The following EFR3B variants were observed in gnomAD, a reference collection of about 807,000 sequenced individuals.
EFR3B encodes the protein protein EFR3 homolog B.
Under a neutral mutation model 104.7 loss-of-function variants are expected in EFR3B, and 64 were observed. That is an observed-to-expected ratio of 0.61 (90% CI 0.50 to 0.75). The LOEUF (loss-of-function observed/expected upper bound fraction) is 0.75, where lower values mean the gene tolerates loss of function less well. Among genes scored for constraint, EFR3B ranks in the 30% least tolerant of loss-of-function variants. EFR3B has a pLI of 0.00. For synonymous variants in EFR3B, 385 were observed against 417.9 expected, an observed-to-expected ratio of 0.92 and a Z score of 0.96; for missense variants, 750 against 1,078.5, an observed-to-expected ratio of 0.70 and a Z score of 4.27.
rs1469383148 is a variant in EFR3B at position 25,154,015 on chromosome 2, A to G, written c.2349-220A>G. On this transcript the variant is annotated intron_variant, in intron 22 of 22. Transcript: ENST00000403714. The surrounding 1 kb of genome is among the most constrained non-coding windows in gnomAD (Gnocchi z 4.1). Reference sequence around the variant, plus strand: ...AAGAGTCCTAGTGTTCCGGGCTGGCACTTTCTAAAGCAGCAGTGTCACTGC... The same window carrying G: ...AAGAGTCCTAGTGTTCCGGGCTGGCGCTTTCTAAAGCAGCAGTGTCACTGC... 6.6e-6 allele frequency among the ~76,000 whole-genome samples: 1 copy of G among 152,178 alleles called. No homozygotes were observed. The highest frequency in any genetic ancestry group is 1.5e-5 in the Non-Finnish European group (1 of 68,018).
chr2:25,153,728 G>A lies in EFR3B; in HGVS notation c.2315G>A (p.Ser772Asn). 6.4e-7 allele frequency: 1 copy of A among 1,551,682 alleles called. No individual in the cohort carries two copies. The highest frequency in any genetic ancestry group is 8.7e-7 in the Non-Finnish European group (1 of 1,146,998). Residue 772 changes from serine (S) to asparagine (N), a missense_variant, in exon 22 of 23, where the codon AGC becomes AAC. Ser to Asn is a conservative substitution (Grantham distance 46, BLOSUM62 1). Transcript: ENST00000403714. ...HCGARASLLQ[S>N]KLNQIFEITI... ...TGTGTCTAGGCATCGCTGCTCCAGA[G>A]CAAACTCAATCAGATCTTTGAAATC...
In EFR3B at chr2:25,130,062, C is replaced by G; in HGVS notation, c.723C>G (p.Gly241=). The G allele has an allele frequency of 6.4e-7, 1 of 1,551,754 alleles. No individual in the cohort carries two copies. The highest frequency in any genetic ancestry group is 8.7e-7 in the Non-Finnish European group (1 of 1,147,006). Residue 241 remains glycine, a synonymous_variant, in exon 7 of 23, where the codon GGC becomes GGG. Coordinates refer to ENST00000403714, the MANE Select transcript of EFR3B (RefSeq NM_014971.2). The surrounding 1 kb of genome is among the most constrained non-coding windows in gnomAD (Gnocchi z 4.6). ...LAERCLRELL[G]RAAFGNIKNA... is the part of the protein sequence containing the mutation. ...AGAGGTGTCTTCGGGAGCTGCTGGG[C>G]CGGGCTGCCTTTGGCAACATCAAAA...
intron 1 of EFR3B, among the ~76,000 whole-genome samples, chr2:25,063,134 T>A (rs1348983548): frequency 2.0e-5 from 3 of 150,082 alleles, no homozygotes; most frequent in African/African-American, 7.4e-5. Flanking sequence ...GAGACGGGGT[T>A]TCACCATGTT....
chr2:25,155,107 T>C lies in EFR3B; in HGVS notation c.*767T>C, dbSNP rs962652374. ...CTGTCTGCTGGACGTTTTTCAGAGTTGGGTTCTCTCTCTTTGATGTCTTTC... is the reference window on the plus strand; with the variant it reads ...CTGTCTGCTGGACGTTTTTCAGAGTCGGGTTCTCTCTCTTTGATGTCTTTC... On this transcript the variant is annotated 3_prime_UTR_variant, in exon 23 of 23. Coordinates refer to ENST00000403714, the MANE Select transcript of EFR3B (RefSeq NM_014971.2). 1 of 152,330 alleles carries C rather than the reference T, an allele frequency of 6.6e-6. No individual in the cohort carries two copies. The highest frequency in any genetic ancestry group is 1.5e-5 in the Non-Finnish European group (1 of 68,162). 9.4% of individuals were successfully genotyped at this position (152,330 alleles called of 1,614,324 possible).
At position 25,134,600 on chromosome 2, in the gene EFR3B, T is replaced by C. The variant is rs894387789; in HGVS notation, c.1312-867T>C. 5.3e-5 allele frequency among the ~76,000 whole-genome samples: 8 copies of C among 152,134 alleles called. No individual in the cohort carries two copies. The South Asian group carries it at 1.5e-3, about 28-fold the overall frequency. On this transcript the variant is annotated intron_variant, in intron 12 of 22. Coordinates refer to ENST00000403714, the MANE Select transcript of EFR3B (RefSeq NM_014971.2). The stretch of plus-strand genomic sequence containing the variant: ...TCTGTCTCAGTTCTGGCCATGCCAA[T>C]CTAAACAGAACTCCCCCGACCCCGC...
intron 4 of EFR3B, among the ~76,000 whole-genome samples, chr2:25,107,866 T>C (rs1669608905): frequency 6.6e-6 from 1 of 151,902 alleles, no homozygotes; most frequent in Admixed American, 6.6e-5. Flanking sequence ...ATTTTTGAGA[T>C]GGGGTCTCCC....
intron 12 of EFR3B, among the ~76,000 whole-genome samples, chr2:25,134,178 T>A (rs13429551): frequency 0.11 from 505 of 4,464 alleles, 5 homozygotes; most frequent in African/African-American, 0.19. Flanking sequence ...TCAGTTTATA[T>A]TTTTTTTTTT....
At chr2:25,146,081 T>C (rs1196905018) in intron 19 of EFR3B, 3 of 118,598 alleles carry the variant, frequency 2.5e-5, no homozygotes, top group African/African-American at 9.9e-5. Context: ...ACAGCCAAGA[T>C]GTTTTTTTTT....
chr2:25,149,133 G>T (rs1450919375), intron 19 of EFR3B, among the ~76,000 whole-genome samples: 6 of 151,926 alleles, frequency 3.9e-5, no homozygotes, highest in Non-Finnish European at 8.8e-5. Flanking sequence ...GGCAGATCAT[G>T]AGTTCAGGAG....
At position 25,093,146 on chromosome 2, in the gene EFR3B, G is replaced by A. The variant is rs766165766; in HGVS notation, c.212+16G>A. 6.4e-7 allele frequency: 1 copy of A among 1,550,882 alleles called. No individual in the cohort carries two copies. Among genetic ancestry groups the A allele is most frequent in the Admixed American group, 2.0e-5 (1 of 50,862 alleles). ...ATCGATATGGGTAAGTAGTTTGGAA[G>A]AGAGGGAGAGAGATTGTCAGGAACT... On this transcript the variant is annotated intron_variant, in intron 3 of 22. Coordinates refer to ENST00000403714, the MANE Select transcript of EFR3B (RefSeq NM_014971.2).
intron 19 of EFR3B, chr2:25,147,038 C>T (rs1670836884): frequency 6.6e-6 from 1 of 152,548 alleles, no homozygotes; most frequent in African/African-American, 2.4e-5. Context: ...ATCTCCAGGC[C>T]TTTGCTAGTG....
At chr2:25,063,788 C>G (rs773850917) in intron 1 of EFR3B, among the ~76,000 whole-genome samples, 10 of 152,208 alleles carry the variant, frequency 6.6e-5, no homozygotes, top group Non-Finnish European at 1.5e-4. Flanking sequence ...CAGGGTCACC[C>G]TCTCCAGGGG....
Position 25,158,798 on chromosome 2 carries a change from T to TG in EFR3B, c.*4459dup, listed in dbSNP as rs1671242841. On this transcript the variant is annotated 3_prime_UTR_variant, in exon 23 of 23. Transcript: ENST00000403714. ...GGAGGCAGAGTTGTGAATCCACAAATGCTGTAGCCCATATCTCGTAATGTG... is the reference window on the plus strand; with the variant it reads ...GGAGGCAGAGTTGTGAATCCACAAATGGCTGTAGCCCATATCTCGTAATGTG... 6.6e-6 allele frequency: 1 copy of TG among 152,264 alleles called. No individual in the cohort carries two copies. The highest frequency in any genetic ancestry group is 2.4e-5 in the African/African-American group (1 of 41,452). 9.4% of individuals were successfully genotyped at this position (152,264 alleles called of 1,614,324 possible).
In EFR3B at chr2:25,059,572, CGGGGGG is replaced by C. The variant is rs56219617; in HGVS notation, c.7+17262_7+17267del. 4.5e-4 allele frequency among the ~76,000 whole-genome samples: 27 copies of C among 60,256 alleles called. 1 individual carries two copies. Among genetic ancestry groups the C allele is most frequent in the South Asian group, 9.1e-4 (2 of 2,190 alleles). 39.5% of individuals were successfully genotyped at this position (60,256 alleles called of 152,430 possible). Reference sequence around the variant, plus strand: ...GTAGAATAGAGGTTACCAGGGACTGCGGGGGGGGGGGGGGTGGAGATTGGGGAATTG... The same window carrying C: ...GTAGAATAGAGGTTACCAGGGACTGCGGGGGGGGTGGAGATTGGGGAATTG... On this transcript the variant is annotated intron_variant, in intron 1 of 22. Coordinates refer to ENST00000403714, the MANE Select transcript of EFR3B (RefSeq NM_014971.2).
intron 19 of EFR3B, among the ~76,000 whole-genome samples, chr2:25,149,217 G>A (rs1670935218): frequency 6.6e-6 from 1 of 151,878 alleles, no homozygotes; most frequent in Non-Finnish European, 1.5e-5. Context: ...GCATGGTGGT[G>A]CACGCCTATA....
chr2:25,099,768 T>A (rs1422900583), intron 3 of EFR3B, among the ~76,000 whole-genome samples: 1 of 151,654 alleles, frequency 6.6e-6, no homozygotes, highest in Non-Finnish European at 1.5e-5. Context: ...TGGGTAGCTG[T>A]CCCAGGAGGT....
At chr2:25,061,914 G>A (rs1002157082) in intron 1 of EFR3B, among the ~76,000 whole-genome samples, 2 of 152,070 alleles carry the variant, frequency 1.3e-5, no homozygotes, top group African/African-American at 2.4e-5. Flanking sequence ...ATTTCTAGGT[G>A]GAAGGATCAT....
intron 1 of EFR3B, among the ~76,000 whole-genome samples, chr2:25,077,129 C>T (rs969301934): frequency 6.6e-6 from 1 of 152,230 alleles, no homozygotes; most frequent in African/African-American, 2.4e-5. Flanking sequence ...ACCAATAAAA[C>T]AAAACCAGGC....
At chr2:25,076,856 A>G (rs758041516) in intron 1 of EFR3B, among the ~76,000 whole-genome samples, 1 of 152,218 alleles carries the variant, frequency 6.6e-6, no homozygotes, top group African/African-American at 2.4e-5. Flanking sequence ...AGGTCAGGCC[A>G]CTGACAGCTA....
Sources: allele counts gnomAD v4.1 joint callset (sites outside exome capture counted in the v4.1 genomes callset), GRCh38; gene constraint gnomAD v4.1.1; non-coding constraint Gnocchi (gnomAD v3.1); transcripts MANE v1.5; gene names NCBI Gene and HGNC (gene_info 2026-07-23, HGNC 2026-07-21).